The following KPNA3 variants were observed in gnomAD, a reference collection of about 807,000 sequenced individuals.
KPNA3 encodes karyopherin subunit alpha 3.
In KPNA3, 13 loss-of-function variants were observed where a neutral mutation model predicts 73.8. The ratio of observed to expected loss-of-function variants is 0.18; its 90% CI spans 0.11 to 0.28. The LOEUF is 0.28. Among genes scored for constraint, KPNA3 ranks in the 10% least tolerant of loss-of-function variants. The pLI, the probability that KPNA3 is intolerant of heterozygous loss-of-function variation, is 1.00. For missense variants in KPNA3, 360 were observed against 618.1 expected (o/e 0.58, Z 4.43); for synonymous variants, 186 against 206.9 (o/e 0.90, Z 0.87).
chr13:49,703,097 T>C (rs990177307), intron 15 of KPNA3, among the ~76,000 whole-genome samples: 2 of 151,936 alleles, frequency 1.3e-5, no homozygotes, highest in African/African-American at 4.8e-5. Flanking sequence ...CTTGATCTCC[T>C]GACCTCGTGA....
At chr13:49,713,297 AACACACAC>A (rs35263412) in intron 10 of KPNA3, among the ~76,000 whole-genome samples, 6 of 148,602 alleles carry the variant, frequency 4.0e-5, no homozygotes, top group Admixed American at 6.7e-5. Context: ...GCAGAGAATA[AACACACAC>A]ACACACACAC....
At chr13:49,728,948 A>C (rs1031354874) in intron 6 of KPNA3, among the ~76,000 whole-genome samples, 3 of 152,196 alleles carry the variant, frequency 2.0e-5, no homozygotes, top group Non-Finnish European at 4.4e-5. Context: ...TAATCTTAAA[A>C]AAACAACCTG....
chr13:49,730,902 A>G (rs7990293), intron 6 of KPNA3, among the ~76,000 whole-genome samples: 108,607 of 149,816 alleles, frequency 0.72, 40,654 homozygotes, highest in Non-Finnish European at 0.84. Flanking sequence ...TCAGCCTCCC[A>G]AGTAGCTGGG....
chr13:49,760,116 A>T (rs1434146658), intron 1 of KPNA3, among the ~76,000 whole-genome samples: 1 of 152,210 alleles, frequency 6.6e-6, no homozygotes, highest in Non-Finnish European at 1.5e-5. Flanking sequence ...ACACATGTCA[A>T]GTGACATGAT....
intron 16 of KPNA3, 114 bp from the exon 17 acceptor site, chr13:49,702,012 C>A: frequency 1.5e-6 from 1 of 656,114 alleles, no homozygotes; most frequent in African/African-American, 1.9e-5. Context: ...CTTTAACCAA[C>A]TAAAAATATT....
intron 2 of KPNA3, among the ~76,000 whole-genome samples, chr13:49,742,617 GT>G (rs930820990): frequency 1.0e-3 from 150 of 145,722 alleles, no homozygotes; most frequent in Admixed American, 2.2e-3. Flanking sequence ...ATAAATTTTA[GT>G]TTTTTTTTTT....
intron 1 of KPNA3, among the ~76,000 whole-genome samples, chr13:49,764,163 G>A (rs375646554): frequency 1.5e-4 from 5 of 34,452 alleles, no homozygotes; most frequent in African/African-American, 3.8e-4. Flanking sequence ...ACAGAATCTC[G>A]CTCTGTTTTT....
intron 11 of KPNA3, among the ~76,000 whole-genome samples, chr13:49,710,668 G>A (rs905894421): frequency 6.6e-6 from 1 of 152,176 alleles, no homozygotes; most frequent in East Asian, 1.9e-4. Flanking sequence ...GTTCTTAGAT[G>A]ATATGTATAA....
intron 1 of KPNA3, among the ~76,000 whole-genome samples, chr13:49,756,891 A>C (rs570902101): frequency 1.3e-5 from 2 of 152,344 alleles, no homozygotes; most frequent in South Asian, 2.1e-4. Context: ...AACCCAATAT[A>C]AGCCTACACA....
intron 1 of KPNA3, among the ~76,000 whole-genome samples, chr13:49,768,425 C>T (rs573730846): frequency 3.9e-5 from 6 of 152,144 alleles, no homozygotes; most frequent in East Asian, 1.9e-4. Flanking sequence ...GCCTTTTAAT[C>T]GGGATGCTTT....
At chr13:49,708,508 G>A (rs1246592172) in intron 12 of KPNA3, among the ~76,000 whole-genome samples, 2 of 152,188 alleles carry the variant, frequency 1.3e-5, no homozygotes, top group Non-Finnish European at 2.9e-5. Context: ...ATATGATCGA[G>A]CAATTCTACT....
At chr13:49,717,440 G>GAAAA (rs61581557) in intron 10 of KPNA3, among the ~76,000 whole-genome samples, 13,449 of 126,774 alleles carry the variant, frequency 0.11, 1,574 homozygotes, top group East Asian at 0.53. Context: ...GGAAAAAAAA[G>GAAAA]AAAAAAAAAA....
At chr13:49,724,359 A>T (rs1391958255) in intron 7 of KPNA3, among the ~76,000 whole-genome samples, 1 of 150,810 alleles carries the variant, frequency 6.6e-6, no homozygotes, top group African/African-American at 2.4e-5. Flanking sequence ...GCTGGAGTGC[A>T]GCGGCACGAT....
intron 2 of KPNA3, among the ~76,000 whole-genome samples, chr13:49,737,651 G>A (rs1346722107): frequency 6.6e-6 from 1 of 150,914 alleles, no homozygotes; most frequent in African/African-American, 2.4e-5. Context: ...AGGCTAGAGT[G>A]CAGTGACTGT....
chr13:49,743,133 A>C (rs940524368), intron 2 of KPNA3, among the ~76,000 whole-genome samples: 1 of 152,156 alleles, frequency 6.6e-6, no homozygotes, highest in Non-Finnish European at 1.5e-5. Flanking sequence ...TTCAAAGCAA[A>C]ATCCCATGGA....
In KPNA3 at chr13:49,702,464, T is replaced by C; in HGVS notation, c.1389A>G (p.Glu463=). ...IEECGGLEKI[E]VLQQHENEDI... ...CTTCATTTTCATGTTGCTGTAAAAC[T>C]TCAATTTTCTCCAAACCTGGTAAAA... The change falls in exon 16 of 17, where the codon GAA becomes GAG. Residue 463 remains glutamate, a synonymous_variant. Transcript: ENST00000261667. The C allele has an allele frequency of 6.5e-7, 1 of 1,536,640 alleles. No homozygotes were observed. Among genetic ancestry groups the C allele is most frequent in the Non-Finnish European group, 9.0e-7 (1 of 1,116,570 alleles).
intron 1 of KPNA3, among the ~76,000 whole-genome samples, chr13:49,767,318 G>A (rs1954816763): frequency 6.6e-6 from 1 of 151,454 alleles, no homozygotes; most frequent in Non-Finnish European, 1.5e-5. Flanking sequence ...TCAGGAGGCT[G>A]AGGCAGAATT....
chr13:49,780,087 C>G (rs1407224370), intron 1 of KPNA3, among the ~76,000 whole-genome samples: 1 of 152,114 alleles, frequency 6.6e-6, no homozygotes, highest in Non-Finnish European at 1.5e-5. Context: ...CCTACAATCC[C>G]TCACCTATAT....
chr13:49,746,935 T>C lies in KPNA3; in HGVS notation c.114+14A>G. 1.3e-6 allele frequency: 2 copies of C among 1,589,368 alleles called. No homozygotes were observed. Among genetic ancestry groups the C allele is most frequent in the Non-Finnish European group, 1.7e-6 (2 of 1,158,582 alleles). On this transcript the variant is annotated intron_variant, in intron 2 of 16. Transcript: ENST00000261667. ...AAATCTAATTACTTTTCTTTAAATG[T>C]AAATCAACCTTACCTTCCGCAGTTC... is the stretch of plus-strand genomic sequence containing the variant.
Sources: allele counts gnomAD v4.1 joint callset (sites outside exome capture counted in the v4.1 genomes callset), GRCh38; gene constraint gnomAD v4.1.1; transcripts MANE v1.5; gene names NCBI Gene and HGNC (gene_info 2026-07-23, HGNC 2026-07-21).